Variants in GALNT13 observed in about 807,000 individuals in gnomAD.
GALNT13 encodes UDP-GalNAc:polypeptide N-acetylgalactosaminyltransferase 13.
A neutral mutation model predicts 64.2 loss-of-function variants in GALNT13; 28 were observed. The ratio of observed to expected loss-of-function variants is 0.44; its 90% CI spans 0.32 to 0.60. GALNT13 has a LOEUF of 0.60. GALNT13 is among the 20% of genes least tolerant of loss of function. GALNT13 has a pLI of 0.05. For synonymous variants in GALNT13, 214 were observed against 224.6 expected, an observed-to-expected ratio of 0.95 and a Z score of 0.42; for missense variants, 577 against 669.8, an observed-to-expected ratio of 0.86 and a Z score of 1.53.
the GALNT13 span, among the ~76,000 whole-genome samples, chr2:153,288,214 A>G: frequency 6.6e-6 from 1 of 152,174 alleles, no homozygotes; most frequent in Non-Finnish European, 1.5e-5. Flanking sequence ...TTTAAAAATG[A>G]TGGAAACTGA....
At chr2:153,222,385 G>C in the GALNT13 span, among the ~76,000 whole-genome samples, 2 of 70,194 alleles carry the variant, frequency 2.8e-5, no homozygotes, top group Non-Finnish European at 5.8e-5. Context: ...CTTGCTGATT[G>C]GTCCATGGGT....
At chr2:154,259,177 C>G (rs1344362078) in intron 8 of GALNT13, 39 bp downstream of exon 8, 1 of 1,140,518 alleles carries the variant, frequency 8.8e-7, no homozygotes, top group African/African-American at 1.5e-5. Flanking sequence ...GCTGAACATA[C>G]AATGCTGTAG....
the GALNT13 span, among the ~76,000 whole-genome samples, chr2:153,188,354 A>C: frequency 6.7e-6 from 1 of 148,326 alleles, no homozygotes; most frequent in Non-Finnish European, 1.5e-5. Context: ...ACAGTACTTT[A>C]TACTTTAAAA....
At chr2:154,224,666 T>C (rs1688493701) in intron 4 of GALNT13, among the ~76,000 whole-genome samples, 1 of 152,116 alleles carries the variant, frequency 6.6e-6, no homozygotes, top group Admixed American at 6.6e-5. Context: ...CAAATCACTC[T>C]TCTAACACTA....
the GALNT13 span, among the ~76,000 whole-genome samples, chr2:153,630,668 A>C: frequency 6.9e-6 from 1 of 145,580 alleles, no homozygotes; most frequent in Non-Finnish European, 1.5e-5. Context: ...ATTAAAAAAA[A>C]TTAAAAAATT....
chr2:153,340,847 T>G, the GALNT13 span, among the ~76,000 whole-genome samples: 1 of 152,228 alleles, frequency 6.6e-6, no homozygotes, highest in East Asian at 1.9e-4. Flanking sequence ...CTGAATTCAA[T>G]GTACTTTTTA....
chr2:154,196,122 T>G (rs1686865280), intron 4 of GALNT13, among the ~76,000 whole-genome samples: 1 of 152,148 alleles, frequency 6.6e-6, no homozygotes, highest in South Asian at 2.1e-4. Flanking sequence ...CAATGTTACC[T>G]CTTTACTTCT....
At chr2:153,533,260 T>C in the GALNT13 span, among the ~76,000 whole-genome samples, 3 of 152,262 alleles carry the variant, frequency 2.0e-5, no homozygotes, top group African/African-American at 7.2e-5. Context: ...TTGGGGTTTT[T>C]TTTCTTTTTC....
chr2:153,459,281 A>T, the GALNT13 span, among the ~76,000 whole-genome samples: 1 of 152,154 alleles, frequency 6.6e-6, no homozygotes, highest in Non-Finnish European at 1.5e-5. Context: ...GAAACCTAAG[A>T]GAAAACTGTA....
At chr2:154,416,675 A>G (rs1363013980) in intron 11 of GALNT13, among the ~76,000 whole-genome samples, 1 of 152,106 alleles carries the variant, frequency 6.6e-6, no homozygotes, top group Non-Finnish European at 1.5e-5. Context: ...TTATCTCTTT[A>G]CCCTCAAGTT....
the GALNT13 span, among the ~76,000 whole-genome samples, chr2:153,075,331 T>C: frequency 2.0e-5 from 3 of 152,264 alleles, no homozygotes; most frequent in Non-Finnish European, 2.9e-5. Context: ...AAAGATAAAA[T>C]CCATCTTGTG....
chr2:153,926,472 G>A (rs987034489), intron 2 of GALNT13: 10 of 152,034 alleles, frequency 6.6e-5, no homozygotes, highest in African/African-American at 2.2e-4. Context: ...TAAGAGTCCA[G>A]GTTTGAAAAG....
At chr2:153,724,704 A>G in the GALNT13 span, among the ~76,000 whole-genome samples, 1 of 123,712 alleles carries the variant, frequency 8.1e-6, no homozygotes, top group Non-Finnish European at 1.6e-5. Flanking sequence ...CACATGAAAA[A>G]ATGCTCATCA....
At chr2:153,518,579 G>C in the GALNT13 span, among the ~76,000 whole-genome samples, 1 of 152,044 alleles carries the variant, frequency 6.6e-6, no homozygotes, top group African/African-American at 2.4e-5. Context: ...TTGTATTCTA[G>C]GTACTGCTAA....
the GALNT13 span, among the ~76,000 whole-genome samples, chr2:153,423,070 T>C: frequency 6.6e-6 from 1 of 151,862 alleles, no homozygotes; most frequent in South Asian, 2.1e-4. Context: ...GTGAAAAAAT[T>C]TCAGATCATT....
the GALNT13 span, among the ~76,000 whole-genome samples, chr2:153,145,077 A>T: frequency 5.9e-5 from 9 of 151,928 alleles, no homozygotes; most frequent in African/African-American, 2.2e-4. Flanking sequence ...TATTTAGCAC[A>T]CTGTAGATAT....
chr2:153,386,798 G>A, the GALNT13 span, among the ~76,000 whole-genome samples: 2 of 151,998 alleles, frequency 1.3e-5, no homozygotes, highest in African/African-American at 4.8e-5. Context: ...AGGCCTCTGG[G>A]AGAAATAAAT....
At chr2:153,701,027 A>G in the GALNT13 span, among the ~76,000 whole-genome samples, 4 of 152,144 alleles carry the variant, frequency 2.6e-5, no homozygotes, top group African/African-American at 9.7e-5. Flanking sequence ...ATAAAAGCCC[A>G]TATAGGGAAG....
intron 3 of GALNT13, among the ~76,000 whole-genome samples, chr2:153,973,931 A>G (rs1283666920): frequency 6.6e-6 from 1 of 152,050 alleles, no homozygotes; most frequent in African/African-American, 2.4e-5. Context: ...CCCTCAATAA[A>G]TATTTCCTGA....
Sources: allele counts gnomAD v4.1 joint callset (sites outside exome capture counted in the v4.1 genomes callset), GRCh38; gene constraint gnomAD v4.1.1; transcripts MANE v1.5; gene names NCBI Gene and HGNC (gene_info 2026-07-23, HGNC 2026-07-21).